Variants in UNC5D observed in about 807,000 individuals in gnomAD.
UNC5D encodes unc-5 netrin receptor D.
UNC5D carries 39 observed loss-of-function variants against 105.4 expected under a neutral mutation model. The observed-to-expected ratio is 0.37, with a 90% CI of 0.29 to 0.48. The LOEUF (loss-of-function observed/expected upper bound fraction) is 0.48, where lower values mean the gene tolerates loss of function less well. Among genes scored for constraint, UNC5D ranks in the 20% least tolerant of loss-of-function variants. UNC5D has a pLI of 0.98. For missense variants in UNC5D, 991 were observed against 1,202.4 expected, an observed-to-expected ratio of 0.82 and a Z score of 2.60; for synonymous variants, 452 against 450.4, an observed-to-expected ratio of 1.00 and a Z score of -0.04.
chr8:35,406,908 A>G (rs1389668232), intron 1 of UNC5D, among the ~76,000 whole-genome samples: 1 of 152,116 alleles, frequency 6.6e-6, no homozygotes, highest in Non-Finnish European at 1.5e-5. Flanking sequence ...GCACGTATAG[A>G]TGGTATATAT....
At chr8:35,297,515 G>C (rs1807583856) in intron 1 of UNC5D, among the ~76,000 whole-genome samples, 1 of 152,100 alleles carries the variant, frequency 6.6e-6, no homozygotes, top group Admixed American at 6.6e-5. Flanking sequence ...CCCCTTTGTA[G>C]GTTGGCTGAG....
At chr8:35,443,698 A>G (rs372948890) in intron 1 of UNC5D, among the ~76,000 whole-genome samples, 90 of 152,122 alleles carry the variant, frequency 5.9e-4, no homozygotes, top group African/African-American at 2.1e-3. Context: ...GGTTAAATGT[A>G]CAAGACTATT....
At chr8:35,766,521 G>A (rs1801774475) in intron 14 of UNC5D, among the ~76,000 whole-genome samples, 1 of 152,142 alleles carries the variant, frequency 6.6e-6, no homozygotes, top group South Asian at 2.1e-4. Flanking sequence ...TCCTACCCCA[G>A]ACCGAAGTAG....
At chr8:35,611,607 G>A (rs1820686377) in intron 4 of UNC5D, among the ~76,000 whole-genome samples, 1 of 152,204 alleles carries the variant, frequency 6.6e-6, no homozygotes, top group East Asian at 1.9e-4. Context: ...TACCTGAAAT[G>A]TGAATGAATG....
intron 1 of UNC5D, among the ~76,000 whole-genome samples, chr8:35,311,948 A>C (rs1808919043): frequency 6.6e-6 from 1 of 152,140 alleles, no homozygotes; most frequent in Admixed American, 6.5e-5. Context: ...TCTGTTTCCT[A>C]GAATAACGGG....
At chr8:35,671,523 C>G (rs1436612) in intron 4 of UNC5D, among the ~76,000 whole-genome samples, 102,561 of 152,078 alleles carry the variant, frequency 0.67, 39,711 homozygotes, top group East Asian at 0.91. Flanking sequence ...AGTTTAGTCA[C>G]AGCTTTATTC....
chr8:35,789,451 T>A (rs1188911245), intron 16 of UNC5D, among the ~76,000 whole-genome samples: 6 of 150,976 alleles, frequency 4.0e-5, no homozygotes, highest in Non-Finnish European at 7.4e-5. Flanking sequence ...AGAAAAAAAA[T>A]ATAAAAGGAA....
chr8:35,671,355 T>C (rs1824792348), intron 4 of UNC5D, among the ~76,000 whole-genome samples: 1 of 152,204 alleles, frequency 6.6e-6, no homozygotes, highest in Non-Finnish European at 1.5e-5. Context: ...CTTTGTTCTT[T>C]CCAGGTTGGC....
chr8:35,464,975 C>A (rs965174223), intron 1 of UNC5D, among the ~76,000 whole-genome samples: 1 of 152,214 alleles, frequency 6.6e-6, no homozygotes, highest in African/African-American at 2.4e-5. Flanking sequence ...TGAGTTCTGG[C>A]ACTTATCTGT....
intron 8 of UNC5D, among the ~76,000 whole-genome samples, chr8:35,711,844 C>T (rs1375740053): frequency 6.6e-5 from 10 of 152,196 alleles, no homozygotes. Context: ...GACATAGTCC[C>T]TGCCATCTGA....
intron 4 of UNC5D, among the ~76,000 whole-genome samples, chr8:35,600,937 A>G (rs1435730254): frequency 6.6e-6 from 1 of 152,010 alleles, no homozygotes; most frequent in Admixed American, 6.6e-5. Context: ...TTTTAGGTCT[A>G]ACATTTAAGT....
chr8:35,705,946 G>T lies in UNC5D; in HGVS notation c.1102G>T (p.Glu368Ter). 7.5e-7 allele frequency: 1 copy of T among 1,325,078 alleles called. No individual in the cohort carries two copies. The highest frequency in any genetic ancestry group is 2.0e-5 in the Admixed American group (1 of 51,020). 82.1% of individuals were successfully genotyped at this position (1,325,078 alleles called of 1,614,324 possible). ...TCTTTTAGATAAAAAACCTCTTCATGAAATAAAACCCCAAAGTAAGTTATT... is the reference window on the plus strand; with the variant it reads ...TCTTTTAGATAAAAAACCTCTTCATTAAATAAAACCCCAAAGTAAGTTATT... Reference protein sequence around the residue: ...LCILDKKPLHEIKPQSIENAS... With the variant: ...LCILDKKPLH Residue 368 changes from glutamate (E) to a stop codon, truncating the protein, a stop_gained, in exon 8 of 17, where the codon GAA (glutamate) becomes TAA (stop). Transcript: ENST00000404895. LOFTEE classifies it high-confidence loss of function.
intron 4 of UNC5D, among the ~76,000 whole-genome samples, chr8:35,661,001 G>T (rs1169194153): frequency 6.6e-6 from 1 of 152,064 alleles, no homozygotes; most frequent in Non-Finnish European, 1.5e-5. Context: ...GGGAGGCTGA[G>T]GTGGGAGGAT....
intron 3 of UNC5D, among the ~76,000 whole-genome samples, chr8:35,587,994 A>AT (rs1563563728): frequency 3.6e-5 from 5 of 138,756 alleles, no homozygotes; most frequent in South Asian, 2.3e-4. Flanking sequence ...ATATATATAT[A>AT]CTAATCCCAC....
chr8:35,278,550 C>T (rs993028490), intron 1 of UNC5D, among the ~76,000 whole-genome samples: 6 of 151,758 alleles, frequency 4.0e-5, no homozygotes, highest in Non-Finnish European at 7.4e-5. Flanking sequence ...AACCAAATTT[C>T]ATTTTTCTGT....
intron 4 of UNC5D, among the ~76,000 whole-genome samples, chr8:35,608,910 C>T (rs1376964270): frequency 2.7e-5 from 4 of 150,854 alleles, no homozygotes; most frequent in East Asian, 1.9e-4. Flanking sequence ...TTTTTTTTGG[C>T]GGGTAGATAC....
At chr8:35,509,339 C>G (rs1167094061) in intron 1 of UNC5D, among the ~76,000 whole-genome samples, 1 of 151,068 alleles carries the variant, frequency 6.6e-6, no homozygotes, top group Non-Finnish European at 1.5e-5. Flanking sequence ...CAGGCTTCAG[C>G]TCTCCATGGG....
chr8:35,369,866 T>G (rs372650584), intron 1 of UNC5D, among the ~76,000 whole-genome samples: 35 of 152,280 alleles, frequency 2.3e-4, no homozygotes, highest in African/African-American at 7.9e-4. Flanking sequence ...AATAACCAGA[T>G]TGTCCATGAT....
At chr8:35,442,688 G>A (rs923997462) in intron 1 of UNC5D, among the ~76,000 whole-genome samples, 17 of 151,920 alleles carry the variant, frequency 1.1e-4, no homozygotes, top group African/African-American at 4.1e-4. Context: ...AAATCCATAC[G>A]AAAAATCTGT....
Sources: allele counts gnomAD v4.1 joint callset (sites outside exome capture counted in the v4.1 genomes callset), GRCh38; gene constraint gnomAD v4.1.1; transcripts MANE v1.5; gene names NCBI Gene and HGNC (gene_info 2026-07-23, HGNC 2026-07-21).